Variants in FSTL4 observed in about 807,000 individuals in gnomAD.
The protein encoded by FSTL4 is follistatin-related protein 4.
In FSTL4, 28 loss-of-function variants were observed where a neutral mutation model predicts 78.2. The ratio of observed to expected loss-of-function variants is 0.36; its 90% CI spans 0.27 to 0.49. The LOEUF (loss-of-function observed/expected upper bound fraction) is 0.49, where lower values mean the gene tolerates loss of function less well. FSTL4 is among the 20% of genes least tolerant of loss of function. The pLI, the probability that FSTL4 is intolerant of heterozygous loss-of-function variation, is 0.98. For missense variants in FSTL4, 922 were observed against 1,084.9 expected, an observed-to-expected ratio of 0.85 and a Z score of 2.11; for synonymous variants, 422 against 440.5, an observed-to-expected ratio of 0.96 and a Z score of 0.53.
At chr5:133,516,397 T>G (rs1264968492) in intron 3 of FSTL4, among the ~76,000 whole-genome samples, 1 of 152,010 alleles carries the variant, frequency 6.6e-6, no homozygotes, top group Non-Finnish European at 1.5e-5. Context: ...AACCAGAAAA[T>G]TATAATGACA....
At chr5:133,547,107 T>C (rs1759591628) in intron 3 of FSTL4, among the ~76,000 whole-genome samples, 1 of 152,110 alleles carries the variant, frequency 6.6e-6, no homozygotes. Flanking sequence ...GCAACACCAT[T>C]CTGGGAGAGC....
At chr5:133,812,889 TG>T in the FSTL4 span, among the ~76,000 whole-genome samples, 1 of 152,236 alleles carries the variant, frequency 6.6e-6, no homozygotes, top group Non-Finnish European at 1.5e-5. Context: ...CTCTATGACC[TG>T]GGGGCTCGGC....
intron 3 of FSTL4, among the ~76,000 whole-genome samples, chr5:133,471,227 G>C (rs1757821211): frequency 6.6e-6 from 1 of 152,018 alleles, no homozygotes. Flanking sequence ...CTTTGTGTTG[G>C]AGGCACGCAC....
chr5:133,741,218 C>T, the FSTL4 span, among the ~76,000 whole-genome samples: 2 of 152,136 alleles, frequency 1.3e-5, no homozygotes, highest in Non-Finnish European at 2.9e-5. Context: ...GAAGCAGAAC[C>T]TAAGGCAGGG....
At chr5:133,797,251 A>G in the FSTL4 span, among the ~76,000 whole-genome samples, 2 of 152,244 alleles carry the variant, frequency 1.3e-5, no homozygotes, top group Non-Finnish European at 2.9e-5. Flanking sequence ...AAAAGGCAGG[A>G]TGTCTTGAAG....
chr5:133,462,526 G>GACC (rs1757612860), intron 3 of FSTL4, among the ~76,000 whole-genome samples: 1 of 152,200 alleles, frequency 6.6e-6, no homozygotes, highest in African/African-American at 2.4e-5. Context: ...GTTGACTCTG[G>GACC]AGCCTCCACT....
At chr5:133,700,782 G>C in the FSTL4 span, among the ~76,000 whole-genome samples, 1 of 152,194 alleles carries the variant, frequency 6.6e-6, no homozygotes, top group African/African-American at 2.4e-5. Flanking sequence ...CTACCTCACT[G>C]GGCTTTCTAA....
the FSTL4 span, among the ~76,000 whole-genome samples, chr5:133,831,165 C>A: frequency 6.6e-6 from 1 of 152,164 alleles, no homozygotes; most frequent in Non-Finnish European, 1.5e-5. Context: ...ATTTAAGCCC[C>A]AGTGAGTGCT....
In FSTL4 at chr5:133,199,260, C is replaced by A. The variant is rs145330868; in HGVS notation, c.2364G>T (p.Trp788Cys). The part of the protein sequence containing the change: ...KEPPAGPAQP[W>C]GGTHRIMRDS... ...CCCTCATGATTCTGTGGGTACCCCCCCAGGGCTGAGCTGGCCCTGCGGGTG... is the reference window on the plus strand; with the variant it reads ...CCCTCATGATTCTGTGGGTACCCCCACAGGGCTGAGCTGGCCCTGCGGGTG... Residue 788 changes from tryptophan to cysteine, a missense_variant, in exon 16 of 16, where the codon TGG becomes TGT. Coordinates refer to ENST00000265342, the MANE Select transcript of FSTL4 (RefSeq NM_015082.2). This position sits in a 1 kb window ranked among gnomAD's most constrained non-coding sequence, Gnocchi z 4.4. 1.0e-4 allele frequency: 161 copies of A among 1,613,946 alleles called. 1 individual carries two copies. In the African/African-American group the frequency reaches 1.8e-3, roughly 18 times the overall value.
chr5:133,604,658 G>A (rs979763336), intron 1 of FSTL4, among the ~76,000 whole-genome samples: 14 of 152,084 alleles, frequency 9.2e-5, no homozygotes, highest in African/African-American at 2.4e-4. Flanking sequence ...GCAGTGAGCC[G>A]AGATCATACC....
the FSTL4 span, among the ~76,000 whole-genome samples, chr5:133,706,784 A>G: frequency 1.3e-5 from 2 of 152,102 alleles, no homozygotes; most frequent in Non-Finnish European, 2.9e-5. Context: ...CTCCTGCTAT[A>G]CCAGAGCCCT....
At chr5:133,819,241 C>G in the FSTL4 span, among the ~76,000 whole-genome samples, 1 of 151,894 alleles carries the variant, frequency 6.6e-6, no homozygotes, top group Non-Finnish European at 1.5e-5. Flanking sequence ...ACAGGCATGC[C>G]CTCTGTCTCT....
chr5:133,300,202 C>T (rs1753501860), intron 6 of FSTL4, among the ~76,000 whole-genome samples: 1 of 152,170 alleles, frequency 6.6e-6, no homozygotes, highest in Admixed American at 6.5e-5. Context: ...ACTCTGCTCC[C>T]TCTGCACTAG....
the FSTL4 span, among the ~76,000 whole-genome samples, chr5:133,841,344 C>G: frequency 6.6e-6 from 1 of 152,208 alleles, no homozygotes; most frequent in Non-Finnish European, 1.5e-5. Flanking sequence ...ACAATAAATA[C>G]CTACTGAGCA....
intron 3 of FSTL4, among the ~76,000 whole-genome samples, chr5:133,401,966 G>A (rs965306983): frequency 1.3e-5 from 2 of 152,142 alleles, no homozygotes; most frequent in African/African-American, 2.4e-5. Flanking sequence ...GGGAGGAAAC[G>A]TGGCATAAGA....
the FSTL4 span, among the ~76,000 whole-genome samples, chr5:133,727,608 G>A: frequency 4.6e-5 from 7 of 152,226 alleles, no homozygotes; most frequent in Non-Finnish European, 8.8e-5. Context: ...CCTCTTCAGG[G>A]TCAAAGGAGT....
At chr5:133,579,073 C>A (rs1340035491) in intron 2 of FSTL4, among the ~76,000 whole-genome samples, 1 of 152,218 alleles carries the variant, frequency 6.6e-6, no homozygotes, top group Non-Finnish European at 1.5e-5. Context: ...TCCACTGACA[C>A]TAGCAGGGCT....
intron 2 of FSTL4, among the ~76,000 whole-genome samples, chr5:133,589,300 A>AAAAAAAAT (rs1208142898): frequency 1.3e-5 from 2 of 148,422 alleles, no homozygotes; most frequent in African/African-American, 5.0e-5. Flanking sequence ...AAAAAAAAAA[A>AAAAAAAAT]AGATCAAGGC....
At chr5:133,248,600 C>A (rs1055566333) in intron 7 of FSTL4, 2 of 152,134 alleles carry the variant, frequency 1.3e-5, no homozygotes, top group Non-Finnish European at 2.9e-5. Context: ...GTATTGCTAA[C>A]GTTTTTCTTA....
Sources: gnomAD v4.1 joint callset for allele counts (sites outside exome capture counted in the v4.1 genomes callset) on GRCh38, gnomAD v4.1.1 for gene constraint, Gnocchi (gnomAD v3.1) non-coding constraint, MANE v1.5 for transcripts, NCBI Gene and HGNC (gene_info 2026-07-23, HGNC 2026-07-21) for gene names.